NUDT5: variants seen among roughly 807,000 people sequenced by gnomAD.
The protein encoded by NUDT5 is ADP-sugar pyrophosphatase.
In NUDT5, 21 loss-of-function variants were observed where a neutral mutation model predicts 34.1. That is an observed-to-expected ratio of 0.62 (90% CI 0.44 to 0.89). The LOEUF is 0.89. Among genes scored for constraint, NUDT5 ranks in the 40% least tolerant of loss-of-function variants. The pLI, the probability that NUDT5 is intolerant of heterozygous loss-of-function variation, is 0.00. For missense variants in NUDT5, 249 were observed against 274.8 expected, an observed-to-expected ratio of 0.91 and a Z score of 0.66; for synonymous variants, 85 against 97.6, an observed-to-expected ratio of 0.87 and a Z score of 0.76.
At chr10:12,189,478 T>A (rs1027701702) in intron 1 of NUDT5, among the ~76,000 whole-genome samples, 1 of 152,170 alleles carries the variant, frequency 6.6e-6, no homozygotes, top group African/African-American at 2.4e-5. Context: ...ATCCACTGAT[T>A]CCGTGAATGA....
In NUDT5 at chr10:12,170,300, A is replaced by C. The variant is rs1033695004; in HGVS notation, c.550+417T>G. 9 of 1,098,008 alleles carry C rather than the reference A, an allele frequency of 8.2e-6. No individual in the cohort carries two copies. Among genetic ancestry groups the C allele is most frequent in the Non-Finnish European group, 1.1e-5 (8 of 735,750 alleles). The allele number at this position is 1,098,008 out of a possible 1,614,324, so 68.0% of individuals were successfully genotyped here. ...TACCTCAAGTATTTGTTGAAGGAGC[A>C]TCATCAATTTCTCCTTGAACATACA... On this transcript the variant is annotated intron_variant, in intron 9 of 9. Transcript: ENST00000491614. This position sits in a 1 kb window ranked among gnomAD's most constrained non-coding sequence, Gnocchi z 4.9.
chr10:12,177,344 C>G (rs1834967471), intron 5 of NUDT5, among the ~76,000 whole-genome samples: 1 of 151,976 alleles, frequency 6.6e-6, no homozygotes, highest in African/African-American at 2.4e-5. Flanking sequence ...ACGGTGAAAC[C>G]CTGTCTCTAC....
At position 12,166,393 on chromosome 10, in the gene NUDT5, T is replaced by C. The variant is rs1378928252; in HGVS notation, c.*1309A>G. The C allele has an allele frequency of 6.3e-6, 1 of 159,076 alleles. No individual in the cohort carries two copies. The allele number at this position is 159,076 out of a possible 1,614,324, so 9.9% of individuals were successfully genotyped here. On this transcript the variant is annotated 3_prime_UTR_variant, in exon 10 of 10. Coordinates refer to ENST00000491614, the MANE Select transcript of NUDT5 (RefSeq NM_014142.4). ...AGGGGAAGGCTACCATTACAGGAAGTAGTTGGATCTTAATTTTCACATGTA... is the reference window on the plus strand; with the variant it reads ...AGGGGAAGGCTACCATTACAGGAAGCAGTTGGATCTTAATTTTCACATGTA...
In NUDT5 at chr10:12,169,961, A is replaced by G. The variant is rs1022279558; in HGVS notation, c.550+756T>C. The stretch of plus-strand genomic sequence containing the variant: ...CCAATAAAATATTCCCATGATGACA[A>G]GTGTCTGCTTCTTTCTAGATGAGTG... On this transcript the variant is annotated intron_variant, in intron 9 of 9. Coordinates refer to ENST00000491614, the MANE Select transcript of NUDT5 (RefSeq NM_014142.4). The surrounding 1 kb of genome is among the most constrained non-coding windows in gnomAD (Gnocchi z 4.8). 17 of 644,566 alleles carry G rather than the reference A, an allele frequency of 2.6e-5. No individual in the cohort carries two copies. The highest frequency in any genetic ancestry group is 4.4e-5 in the Non-Finnish European group (16 of 362,110). 39.9% of individuals were successfully genotyped at this position (644,566 alleles called of 1,614,324 possible).
intron 1 of NUDT5, among the ~76,000 whole-genome samples, chr10:12,193,289 G>A (rs77998423): frequency 6.6e-6 from 1 of 152,178 alleles, no homozygotes; most frequent in Non-Finnish European, 1.5e-5. Flanking sequence ...GCTCAAATCT[G>A]TACACGCTTG....
At chr10:12,188,192 A>G (rs1835159432) in intron 1 of NUDT5, among the ~76,000 whole-genome samples, 1 of 152,102 alleles carries the variant, frequency 6.6e-6, no homozygotes, top group South Asian at 2.1e-4. Context: ...TCTCTTCCCA[A>G]CTGTCCTAAA....
chr10:12,188,238 C>T (rs1233604359), intron 1 of NUDT5, among the ~76,000 whole-genome samples: 1 of 152,204 alleles, frequency 6.6e-6, no homozygotes, highest in Non-Finnish European at 1.5e-5. Flanking sequence ...TCTTCTGGGA[C>T]CCAAAGTGAT....
At chr10:12,193,649 T>C (rs1443333359) in intron 1 of NUDT5, among the ~76,000 whole-genome samples, 1 of 152,182 alleles carries the variant, frequency 6.6e-6, no homozygotes, top group Non-Finnish European at 1.5e-5. Flanking sequence ...TAATGTCAAT[T>C]TATTTGATGC....
rs1834761995 is a variant in NUDT5 at position 12,168,349 on chromosome 10, G to A, written c.551-538C>T. The stretch of plus-strand genomic sequence containing the variant: ...AGGGATGATTTTATGTGTGAAAACA[G>A]CAAAGTTGGAAGTGTATAGAGCCAA... On this transcript the variant is annotated intron_variant, in intron 9 of 9. Coordinates refer to ENST00000491614, the MANE Select transcript of NUDT5 (RefSeq NM_014142.4). This position sits in a 1 kb window ranked among gnomAD's most constrained non-coding sequence, Gnocchi z 4.8. Among the ~76,000 whole-genome samples, 1 of 152,136 alleles carries A rather than the reference G, an allele frequency of 6.6e-6. No homozygotes were observed. Among genetic ancestry groups the A allele is most frequent in the Non-Finnish European group, 1.5e-5 (1 of 68,018 alleles).
rs539012558 is a variant in NUDT5, at chr10:12,187,196, CTAA to C, written c.-41-867_-41-865del. 1.7e-3 allele frequency among the ~76,000 whole-genome samples: 259 copies of C among 152,270 alleles called. 3 individuals are homozygous for C. The highest frequency in any genetic ancestry group is 5.9e-3 in the African/African-American group (247 of 41,556). ...TACAGGTGCATGCTACCACAGCCAA[CTAA>C]TGTTTTAAACTTTTGGTAGAGGTGG... On this transcript the variant is annotated intron_variant, in intron 1 of 9. Coordinates refer to ENST00000491614, the MANE Select transcript of NUDT5 (RefSeq NM_014142.4). The surrounding 1 kb of genome is among the most constrained non-coding windows in gnomAD (Gnocchi z 5.4).
At position 12,170,340 on chromosome 10, in the gene NUDT5, C is replaced by A; in HGVS notation, c.550+377G>T. On this transcript the variant is annotated intron_variant, in intron 9 of 9. Transcript: ENST00000491614. This position sits in a 1 kb window ranked among gnomAD's most constrained non-coding sequence, Gnocchi z 4.9. ...TTGAACATACAGCCTCCACAAAGGA[C>A]CATCCCTCATACTAGCATACTTGAG... The A allele has an allele frequency of 1.3e-6, 1 of 775,436 alleles. No homozygotes were observed. Among genetic ancestry groups the A allele is most frequent in the Non-Finnish European group, 2.1e-6 (1 of 471,064 alleles). The allele number at this position is 775,436 out of a possible 1,614,324, so 48.0% of individuals were successfully genotyped here.
rs754922497 is a variant in NUDT5, at chr10:12,182,537, T to C, written c.131+2352A>G. The stretch of plus-strand genomic sequence containing the variant: ...AACCCTATGTATGGAAGAATGGACA[T>C]GACCATGCTATAAATATGGTAGTTT... On this transcript the variant is annotated intron_variant, in intron 3 of 9. Transcript: ENST00000491614. This position sits in a 1 kb window ranked among gnomAD's most constrained non-coding sequence, Gnocchi z 4.3. 2.4e-4 allele frequency among the ~76,000 whole-genome samples: 37 copies of C among 152,288 alleles called. 1 individual carries two copies. The highest frequency in any genetic ancestry group is 6.8e-3 in the Middle Eastern group (2 of 294).
In NUDT5 at chr10:12,167,204, C is replaced by T. The variant is rs991481460; in HGVS notation, c.*498G>A. On this transcript the variant is annotated 3_prime_UTR_variant, in exon 10 of 10. Transcript: ENST00000491614. ...ACCCTACCCTAGTTGGATTCAACTA[C>T]CCTAGATAAATTTTGCATAGTAAAA... The T allele has an allele frequency of 5.0e-5, 8 of 159,118 alleles. No individual in the cohort carries two copies. Among genetic ancestry groups the T allele is most frequent in the African/African-American group, 1.9e-4 (8 of 41,430 alleles). 9.9% of individuals were successfully genotyped at this position (159,118 alleles called of 1,614,324 possible).
Position 12,182,104 on chromosome 10 carries a change from G to T in NUDT5, c.131+2785C>A, listed in dbSNP as rs929514635. Among the ~76,000 whole-genome samples, 1 of 151,646 alleles carries T rather than the reference G, an allele frequency of 6.6e-6. No homozygotes were observed. The highest frequency in any genetic ancestry group is 2.4e-5 in the African/African-American group (1 of 41,242). On this transcript the variant is annotated intron_variant, in intron 3 of 9. Coordinates refer to ENST00000491614, the MANE Select transcript of NUDT5 (RefSeq NM_014142.4). The surrounding 1 kb of genome is among the most constrained non-coding windows in gnomAD (Gnocchi z 4.3). Reference sequence around the variant, plus strand: ...AGACCACACCATTGCACTCTAGCCTGGGCAACAGAACAAGACTCTGTCTCA... The same window carrying T: ...AGACCACACCATTGCACTCTAGCCTTGGCAACAGAACAAGACTCTGTCTCA...
chr10:12,172,530 G>A (rs1834875127), intron 7 of NUDT5: 1 of 567,972 alleles, frequency 1.8e-6, no homozygotes, highest in Admixed American at 3.1e-5. Flanking sequence ...ATAGAAAACA[G>A]GGAAATATGT....
chr10:12,187,513 C>CT lies in NUDT5; in HGVS notation c.-41-1182dup, dbSNP rs1564427066. Among the ~76,000 whole-genome samples, 1 of 152,094 alleles carries CT rather than the reference C, an allele frequency of 6.6e-6. No individual in the cohort carries two copies. The highest frequency in any genetic ancestry group is 2.4e-5 in the African/African-American group (1 of 41,406). ...ACCTTGCCTGTCCGAAGGTCAAAGT[C>CT]TTTTTTTCTTACCCACACACATGGT... On this transcript the variant is annotated intron_variant, in intron 1 of 9. Coordinates refer to ENST00000491614, the MANE Select transcript of NUDT5 (RefSeq NM_014142.4). The surrounding 1 kb of genome is among the most constrained non-coding windows in gnomAD (Gnocchi z 5.4).
chr10:12,181,512 T>C lies in NUDT5; in HGVS notation c.132-2380A>G, dbSNP rs1244034967. 1.3e-5 allele frequency among the ~76,000 whole-genome samples: 2 copies of C among 152,182 alleles called. No homozygotes were observed. Among genetic ancestry groups the C allele is most frequent in the Non-Finnish European group, 2.9e-5 (2 of 68,026 alleles). On this transcript the variant is annotated intron_variant, in intron 3 of 9. Transcript: ENST00000491614. This position sits in a 1 kb window ranked among gnomAD's most constrained non-coding sequence, Gnocchi z 5.0. ...CTTTTTGACATTTTGAACAGTATCTTTACCCCACAGAGCAGGAAATAAGCC... is the reference window on the plus strand; with the variant it reads ...CTTTTTGACATTTTGAACAGTATCTCTACCCCACAGAGCAGGAAATAAGCC...
chr10:12,190,536 A>G (rs529999471), intron 1 of NUDT5, among the ~76,000 whole-genome samples: 4 of 150,682 alleles, frequency 2.7e-5, no homozygotes, highest in African/African-American at 7.3e-5. Flanking sequence ...CAGAGACACC[A>G]CCATACCAGG....
Position 12,175,046 on chromosome 10 carries a change from G to C in NUDT5, c.290-1233C>G, listed in dbSNP as rs946904821. Among the ~76,000 whole-genome samples, 1 of 152,198 alleles carries C rather than the reference G, an allele frequency of 6.6e-6. No individual in the cohort carries two copies. Among genetic ancestry groups the C allele is most frequent in the Non-Finnish European group, 1.5e-5 (1 of 68,042 alleles). Reference sequence around the variant, plus strand: ...ATTAAAAAATATAATAAGGCTGGGCGTGGCGGCCCACACCTGTAACCCCAG... The same window carrying C: ...ATTAAAAAATATAATAAGGCTGGGCCTGGCGGCCCACACCTGTAACCCCAG... On this transcript the variant is annotated intron_variant, in intron 5 of 9. Transcript: ENST00000491614. This position sits in a 1 kb window ranked among gnomAD's most constrained non-coding sequence, Gnocchi z 4.8.
Sources: allele counts gnomAD v4.1 joint callset (sites outside exome capture counted in the v4.1 genomes callset), GRCh38; gene constraint gnomAD v4.1.1; non-coding constraint Gnocchi (gnomAD v3.1); transcripts MANE v1.5; gene names NCBI Gene and HGNC (gene_info 2026-07-23, HGNC 2026-07-21).